Variants in AFG2A observed in about 807,000 individuals in gnomAD.
AFG2A encodes the protein ATPase family gene 2 protein homolog A.
the AFG2A span, among the ~76,000 whole-genome samples, chr4:123,190,387 G>A: frequency 6.6e-6 from 1 of 152,072 alleles, no homozygotes. Flanking sequence ...TAATGATCAA[G>A]GCAAAAAATA....
chr4:122,953,106 G>A, the AFG2A span, among the ~76,000 whole-genome samples: 1 of 152,120 alleles, frequency 6.6e-6, no homozygotes, highest in Non-Finnish European at 1.5e-5. Flanking sequence ...AGGCAGTATT[G>A]CCTCAGTGCT....
chr4:123,022,854 C>G, the AFG2A span, among the ~76,000 whole-genome samples: 10 of 151,868 alleles, frequency 6.6e-5, no homozygotes, highest in South Asian at 4.2e-4. Context: ...ACTATGCAGC[C>G]ATAAAAAATG....
the AFG2A span, among the ~76,000 whole-genome samples, chr4:122,941,485 T>G: frequency 2.6e-5 from 4 of 152,294 alleles, no homozygotes; most frequent in African/African-American, 9.6e-5. Flanking sequence ...ATTGATTTTG[T>G]ATCCTGGGAC....
the AFG2A span, among the ~76,000 whole-genome samples, chr4:123,112,885 C>A: frequency 1.3e-4 from 20 of 151,838 alleles, no homozygotes; most frequent in African/African-American, 4.8e-4. Context: ...ATTTTTATTT[C>A]TTGGATTTGG....
chr4:122,938,071 TAA>T, the AFG2A span: 10 of 1,462,012 alleles, frequency 6.8e-6, 1 homozygote, highest in African/African-American at 1.1e-4. Flanking sequence ...TAAAACTAAG[TAA>T]AACTTAAAAT....
the AFG2A span, among the ~76,000 whole-genome samples, chr4:123,004,963 T>C: frequency 4.5e-3 from 686 of 152,288 alleles, 8 homozygotes; most frequent in African/African-American, 0.016. Flanking sequence ...TTTTCAAGAA[T>C]TCTGTTTCAC....
chr4:123,036,678 G>T, the AFG2A span, among the ~76,000 whole-genome samples: 1 of 152,084 alleles, frequency 6.6e-6, no homozygotes, highest in East Asian at 1.9e-4. Flanking sequence ...ATTGTAGCCA[G>T]CATGGTCCCT....
At chr4:123,256,628 A>C in the AFG2A span, 1 of 891,234 alleles carries the variant, frequency 1.1e-6, no homozygotes, top group Non-Finnish European at 1.3e-6. Flanking sequence ...CAAAGCAAAC[A>C]GATTGTATCA....
the AFG2A span, among the ~76,000 whole-genome samples, chr4:123,239,771 T>C: frequency 6.6e-6 from 1 of 152,120 alleles, no homozygotes; most frequent in Non-Finnish European, 1.5e-5. Flanking sequence ...ACTGCATCAA[T>C]TAACAGGCAA....
At chr4:123,280,007 C>T in the AFG2A span, among the ~76,000 whole-genome samples, 2 of 152,264 alleles carry the variant, frequency 1.3e-5, no homozygotes, top group East Asian at 3.9e-4. Flanking sequence ...ATGATAGAGC[C>T]ATACATATTG....
At chr4:123,067,756 A>G in the AFG2A span, among the ~76,000 whole-genome samples, 1 of 152,168 alleles carries the variant, frequency 6.6e-6, no homozygotes, top group African/African-American at 2.4e-5. Flanking sequence ...AATTACCATA[A>G]TGGGAGTGAA....
the AFG2A span, chr4:122,933,460 TGAA>T: frequency 1.2e-6 from 2 of 1,612,578 alleles, no homozygotes; most frequent in Non-Finnish European, 1.7e-6. Context: ...TGGAAATTAA[TGAA>T]GAAGAACTGA....
the AFG2A span, among the ~76,000 whole-genome samples, chr4:123,093,284 GTATT>G: frequency 6.6e-6 from 1 of 152,184 alleles, no homozygotes; most frequent in South Asian, 2.1e-4. Flanking sequence ...TTTGGCAACT[GTATT>G]TATACTCACT....
chr4:123,100,051 A>G, the AFG2A span, among the ~76,000 whole-genome samples: 25 of 151,864 alleles, frequency 1.6e-4, no homozygotes, highest in Non-Finnish European at 3.4e-4. Flanking sequence ...TCAATACCCA[A>G]GGTCTAAAAG....
chr4:122,971,648 A>C, the AFG2A span, among the ~76,000 whole-genome samples: 18 of 152,210 alleles, frequency 1.2e-4, no homozygotes, highest in Non-Finnish European at 2.1e-4. Flanking sequence ...GATTTAATAG[A>C]AAGTTTACAA....
the AFG2A span, among the ~76,000 whole-genome samples, chr4:122,943,912 T>C: frequency 6.6e-6 from 1 of 151,910 alleles, no homozygotes; most frequent in Non-Finnish European, 1.5e-5. Flanking sequence ...TTTGGCTGGA[T>C]ATGAAATTCT....
chr4:122,933,053 A>G, the AFG2A span, among the ~76,000 whole-genome samples: 9 of 152,314 alleles, frequency 5.9e-5, no homozygotes, highest in East Asian at 1.2e-3. Flanking sequence ...TAGTGCTCAT[A>G]TGTGTGCATG....
chr4:123,240,621 A>G, the AFG2A span, among the ~76,000 whole-genome samples: 1 of 152,230 alleles, frequency 6.6e-6, no homozygotes, highest in Non-Finnish European at 1.5e-5. Flanking sequence ...TCTCTGGGAC[A>G]CATTTAAAGC....
At chr4:122,979,931 T>A in the AFG2A span, among the ~76,000 whole-genome samples, 1 of 152,124 alleles carries the variant, frequency 6.6e-6, no homozygotes, top group African/African-American at 2.4e-5. Flanking sequence ...AAAAACTATA[T>A]TACAATACTA....
Sources: gnomAD v4.1 joint callset for allele counts (sites outside exome capture counted in the v4.1 genomes callset) on GRCh38, gnomAD v4.1.1 for gene constraint, MANE v1.5 for transcripts, NCBI Gene and HGNC (gene_info 2026-07-23, HGNC 2026-07-21) for gene names.